Variants in TPRG1 observed in about 807,000 individuals in gnomAD.
The protein encoded by TPRG1 is tumor protein p63-regulated gene 1 protein.
A neutral mutation model predicts 29.3 loss-of-function variants in TPRG1; 29 were observed. That is an observed-to-expected ratio of 0.99 (90% CI 0.74 to 1.35). The LOEUF is 1.35. Ranked by LOEUF, TPRG1 falls within the 40% of genes most tolerant of loss-of-function variation. TPRG1 has a pLI of 0.00. For synonymous variants in TPRG1, 130 were observed against 116.8 expected (o/e 1.11, Z -0.73); for missense variants, 327 against 335.0 (o/e 0.98, Z 0.19).
At chr3:189,220,564 T>C (rs1265846849) in intron 3 of TPRG1, among the ~76,000 whole-genome samples, 1 of 152,216 alleles carries the variant, frequency 6.6e-6, no homozygotes, top group South Asian at 2.1e-4. Flanking sequence ...ATTAATCATT[T>C]TTCCTGATCC....
chr3:189,232,449 G>A lies in TPRG1; in HGVS notation c.303-6284G>A, dbSNP rs114652725. Among the ~76,000 whole-genome samples the A allele has an allele frequency of 4.5e-3, 688 of 152,306 alleles. 5 individuals are homozygous for A. The highest frequency in any genetic ancestry group is 0.015 in the African/African-American group (640 of 41,554). On this transcript the variant is annotated intron_variant, in intron 3 of 5. Transcript: ENST00000345063. The stretch of plus-strand genomic sequence containing the variant: ...AGATACATGGAGTAGCAAGCCCTAT[G>A]GGCAAGAGGCTGGGAATCTGGGGAC...
intron 1 of TPRG1, among the ~76,000 whole-genome samples, chr3:189,205,231 G>A (rs1207466325): frequency 1.3e-5 from 2 of 152,178 alleles, no homozygotes; most frequent in African/African-American, 4.8e-5. Context: ...AGCTCTTCTA[G>A]GATTGCTGGA....
At chr3:189,237,915 A>T (rs1400691688) in intron 3 of TPRG1, among the ~76,000 whole-genome samples, 3 of 152,178 alleles carry the variant, frequency 2.0e-5, no homozygotes, top group East Asian at 3.9e-4. Flanking sequence ...TGTATCCTAA[A>T]GGCTACAGTA....
chr3:189,206,401 T>G (rs1365201770), intron 1 of TPRG1, among the ~76,000 whole-genome samples: 1 of 152,030 alleles, frequency 6.6e-6, no homozygotes, highest in African/African-American at 2.4e-5. Flanking sequence ...TGTCTAATGT[T>G]TTTACATACA....
At chr3:189,032,121 A>G (rs575707957) in intron 4 of TPRG1, among the ~76,000 whole-genome samples, 2 of 152,366 alleles carry the variant, frequency 1.3e-5, no homozygotes, top group South Asian at 4.1e-4. Flanking sequence ...GTTAAAGATT[A>G]TAAGACAAAA....
chr3:189,237,330 T>G (rs1407059396), intron 3 of TPRG1, among the ~76,000 whole-genome samples: 1 of 151,970 alleles, frequency 6.6e-6, no homozygotes, highest in East Asian at 1.9e-4. Context: ...CACACAGGGT[T>G]GGTGCTCAGC....
At chr3:189,006,643 G>A (rs1275178636) in intron 3 of TPRG1, among the ~76,000 whole-genome samples, 1 of 152,064 alleles carries the variant, frequency 6.6e-6, no homozygotes, top group African/African-American at 2.4e-5. Flanking sequence ...GTGGGGGAAA[G>A]CTACATATGG....
At chr3:189,222,629 T>G (rs953831228) in intron 3 of TPRG1, among the ~76,000 whole-genome samples, 1 of 152,216 alleles carries the variant, frequency 6.6e-6, no homozygotes, top group Admixed American at 6.5e-5. Context: ...TGATTCCTTA[T>G]GCACATTAAA....
chr3:189,155,789 A>G (rs1578575189), intron 5 of TPRG1, among the ~76,000 whole-genome samples: 1 of 152,318 alleles, frequency 6.6e-6, no homozygotes, highest in East Asian at 1.9e-4. Flanking sequence ...AAGATATTGA[A>G]CTCATAGAAG....
chr3:189,222,466 C>T (rs993476666), intron 3 of TPRG1, among the ~76,000 whole-genome samples: 3 of 152,136 alleles, frequency 2.0e-5, no homozygotes, highest in East Asian at 1.9e-4. Context: ...TTTTTGTACG[C>T]GCTCATCTAG....
At chr3:189,072,046 G>C (rs1716840759) in intron 4 of TPRG1, among the ~76,000 whole-genome samples, 1 of 152,116 alleles carries the variant, frequency 6.6e-6, no homozygotes, top group Admixed American at 6.5e-5. Context: ...GGCCATACTG[G>C]GCCTTTGTCA....
chr3:189,099,095 G>A (rs141178676), upstream of TPRG1, among the ~76,000 whole-genome samples: 107 of 152,264 alleles, frequency 7.0e-4, no homozygotes, highest in African/African-American at 2.5e-3. Context: ...ATGAATGGCC[G>A]GCAGTGGAAA....
At chr3:189,216,626 A>G (rs1411805069) in intron 3 of TPRG1, among the ~76,000 whole-genome samples, 2 of 152,194 alleles carry the variant, frequency 1.3e-5, no homozygotes, top group Non-Finnish European at 2.9e-5. Context: ...GACCTTCAAT[A>G]GCTGTTAGTG....
chr3:189,017,785 G>C (rs1713031462), intron 3 of TPRG1, among the ~76,000 whole-genome samples: 1 of 152,134 alleles, frequency 6.6e-6, no homozygotes, highest in Non-Finnish European at 1.5e-5. Context: ...TCTAGTTCTA[G>C]ATCCCTGAGG....
At chr3:189,046,544 G>T (rs182731611) in intron 4 of TPRG1, among the ~76,000 whole-genome samples, 2 of 152,252 alleles carry the variant, frequency 1.3e-5, no homozygotes, top group Admixed American at 1.3e-4. Flanking sequence ...AGTGAAAGGG[G>T]AATGATTCAT....
At chr3:189,249,282 G>A (rs1208587605) in intron 4 of TPRG1, among the ~76,000 whole-genome samples, 1 of 151,626 alleles carries the variant, frequency 6.6e-6, no homozygotes, top group South Asian at 2.1e-4. Context: ...TGTATTTTTT[G>A]TTGTAGAAAT....
At chr3:189,176,887 A>G (rs1181348818) in intron 1 of TPRG1, among the ~76,000 whole-genome samples, 1 of 152,234 alleles carries the variant, frequency 6.6e-6, no homozygotes, top group Admixed American at 6.5e-5. Context: ...AAGACACAAT[A>G]AGGGCTTTGA....
chr3:189,170,437 A>AG (rs1352695694), upstream of TPRG1, among the ~76,000 whole-genome samples: 2 of 152,120 alleles, frequency 1.3e-5, no homozygotes, highest in African/African-American at 2.4e-5. Flanking sequence ...AACAGCCCGG[A>AG]TCTAATGCCG....
At chr3:189,141,274 C>T (rs181109402) in intron 3 of TPRG1, among the ~76,000 whole-genome samples, 75 of 152,300 alleles carry the variant, frequency 4.9e-4, no homozygotes, top group Admixed American at 7.8e-4. Context: ...TGCACTGTAT[C>T]TCACCGAAGA....
Sources: allele counts gnomAD v4.1 joint callset (sites outside exome capture counted in the v4.1 genomes callset), GRCh38; gene constraint gnomAD v4.1.1; transcripts MANE v1.5; gene names NCBI Gene and HGNC (gene_info 2026-07-23, HGNC 2026-07-21).